Variants in DLG2 observed in about 807,000 individuals in gnomAD.
The protein encoded by DLG2 is disks large homolog 2.
Under a neutral mutation model 132.5 loss-of-function variants are expected in DLG2, and 45 were observed. The ratio of observed to expected loss-of-function variants is 0.34; its 90% CI spans 0.27 to 0.44. The LOEUF is 0.44. Ranked by LOEUF, DLG2 falls within the 20% of genes least tolerant of loss-of-function variation. DLG2 has a pLI of 1.00. For synonymous variants in DLG2, 424 were observed against 419.6 expected (o/e 1.01, Z -0.13); for missense variants, 1,045 against 1,196.9 (o/e 0.87, Z 1.87).
chr11:83,770,191 T>C (rs1471106423), intron 18 of DLG2, among the ~76,000 whole-genome samples: 1 of 152,034 alleles, frequency 6.6e-6, no homozygotes, highest in East Asian at 1.9e-4. Context: ...GTAAGTTTCT[T>C]CCTGCTCCTT....
At chr11:85,228,783 G>C (rs2075124301) in intron 4 of DLG2, among the ~76,000 whole-genome samples, 1 of 151,500 alleles carries the variant, frequency 6.6e-6, no homozygotes, top group African/African-American at 2.4e-5. Flanking sequence ...CAATATGACA[G>C]TCTCTGACTT....
intron 6 of DLG2, among the ~76,000 whole-genome samples, chr11:84,801,509 C>T (rs182806415): frequency 6.6e-5 from 10 of 152,204 alleles, no homozygotes; most frequent in East Asian, 5.8e-4. Context: ...TTGCAGTGAG[C>T]GGAGATGCAC....
intron 6 of DLG2, among the ~76,000 whole-genome samples, chr11:84,812,631 C>T (rs1237458131): frequency 2.0e-5 from 3 of 152,070 alleles, no homozygotes; most frequent in East Asian, 1.9e-4. Flanking sequence ...CTAAGTGAGA[C>T]AGAAATGAAA....
At chr11:84,965,807 C>T (rs761783403) in intron 6 of DLG2, among the ~76,000 whole-genome samples, 4 of 151,916 alleles carry the variant, frequency 2.6e-5, no homozygotes, top group Non-Finnish European at 2.9e-5. Context: ...ACGGGGAGAT[C>T]GGCGCCTAAA....
At chr11:84,823,634 A>G (rs1293773558) in intron 6 of DLG2, among the ~76,000 whole-genome samples, 1 of 144,618 alleles carries the variant, frequency 6.9e-6, no homozygotes, top group South Asian at 2.2e-4. Context: ...CACACTTCAT[A>G]TTCCCCTGCC....
In DLG2 at chr11:84,892,542, T is replaced by G. The variant is rs986947882; in HGVS notation, c.357+219119A>C. Among the ~76,000 whole-genome samples the G allele has an allele frequency of 7.9e-5, 12 of 152,082 alleles. No individual in the cohort carries two copies. The South Asian group carries it at 2.3e-3, about 29-fold the overall frequency. On this transcript the variant is annotated intron_variant, in intron 6 of 27. Transcript: ENST00000376104. Reference sequence around the variant, plus strand: ...ATTTATTTATATATGTTTTCTAAATTTATGCTTATAGTTTAATAAAAGTTA... The same window carrying G: ...ATTTATTTATATATGTTTTCTAAATGTATGCTTATAGTTTAATAAAAGTTA...
intron 18 of DLG2, among the ~76,000 whole-genome samples, chr11:83,782,337 A>G (rs868329557): frequency 6.6e-6 from 1 of 152,224 alleles, no homozygotes; most frequent in East Asian, 1.9e-4. Flanking sequence ...TTAATAAACC[A>G]TAGTCAAATT....
intron 2 of DLG2, among the ~76,000 whole-genome samples, chr11:85,616,339 A>G (rs2081338325): frequency 6.6e-6 from 1 of 152,248 alleles, no homozygotes; most frequent in Non-Finnish European, 1.5e-5. Flanking sequence ...CTTTTTTAAA[A>G]GGAAACAAGT....
chr11:84,821,561 C>A (rs2077676968), intron 6 of DLG2, among the ~76,000 whole-genome samples: 1 of 139,832 alleles, frequency 7.2e-6, no homozygotes, highest in Admixed American at 7.5e-5. Flanking sequence ...ACAGAGTGTA[C>A]AAAAACAGGT....
intron 6 of DLG2, among the ~76,000 whole-genome samples, chr11:84,846,510 T>C (rs1415201438): frequency 2.6e-5 from 4 of 152,144 alleles, no homozygotes; most frequent in Admixed American, 2.6e-4. Flanking sequence ...TTCTGCTCTG[T>C]AATAAACTAC....
chr11:83,705,400 G>A (rs886600709), intron 18 of DLG2, among the ~76,000 whole-genome samples: 8 of 152,100 alleles, frequency 5.3e-5, no homozygotes, highest in African/African-American at 1.9e-4. Context: ...TTCAAATGGA[G>A]AGAGTTAAAT....
chr11:84,278,171 G>T (rs2097803881), intron 7 of DLG2, among the ~76,000 whole-genome samples: 2 of 147,930 alleles, frequency 1.4e-5, no homozygotes, highest in South Asian at 4.4e-4. Context: ...TATAAAACAT[G>T]AGCCACTGTA....
chr11:83,895,502 T>C (rs1312673117), intron 15 of DLG2, among the ~76,000 whole-genome samples: 3 of 152,152 alleles, frequency 2.0e-5, no homozygotes, highest in African/African-American at 7.2e-5. Flanking sequence ...ATTCATTAGG[T>C]GAGCGAAACT....
intron 17 of DLG2, chr11:83,815,137 CT>C (rs2153970913): frequency 1.3e-5 from 2 of 154,212 alleles, no homozygotes; most frequent in Admixed American, 6.5e-5. Context: ...AGTGTTTCAC[CT>C]TTTTCCTGGC....
At chr11:84,463,341 C>A (rs2099085413) in intron 7 of DLG2, among the ~76,000 whole-genome samples, 1 of 151,096 alleles carries the variant, frequency 6.6e-6, no homozygotes, top group Non-Finnish European at 1.5e-5. Flanking sequence ...GGCCCATCCT[C>A]CTCAGGAATA....
intron 11 of DLG2, among the ~76,000 whole-genome samples, chr11:84,012,940 T>C (rs908765951): frequency 1.3e-5 from 2 of 152,106 alleles, no homozygotes; most frequent in Admixed American, 6.6e-5. Context: ...TAATTGGCTA[T>C]GATGTTATTA....
At chr11:83,875,250 AT>A (rs1476106494) in intron 15 of DLG2, among the ~76,000 whole-genome samples, 8 of 152,160 alleles carry the variant, frequency 5.3e-5, no homozygotes, top group Non-Finnish European at 1.2e-4. Context: ...GAAAAGACTG[AT>A]TTTGTAGATA....
At chr11:84,628,536 A>G (rs1455621654) in intron 6 of DLG2, among the ~76,000 whole-genome samples, 1 of 152,216 alleles carries the variant, frequency 6.6e-6, no homozygotes, top group Non-Finnish European at 1.5e-5. Flanking sequence ...TAAGAACTAC[A>G]TAGTTTCCTG....
At chr11:85,244,438 T>G (rs553605005) in intron 4 of DLG2, among the ~76,000 whole-genome samples, 1 of 151,966 alleles carries the variant, frequency 6.6e-6, no homozygotes, top group Non-Finnish European at 1.5e-5. Context: ...TGTTTATGCA[T>G]TGGGGCAACA....
Sources: allele counts gnomAD v4.1 joint callset (sites outside exome capture counted in the v4.1 genomes callset), GRCh38; gene constraint gnomAD v4.1.1; transcripts MANE v1.5; gene names NCBI Gene and HGNC (gene_info 2026-07-23, HGNC 2026-07-21).